DNAJC3: variants seen among roughly 807,000 people sequenced by gnomAD.
The protein encoded by DNAJC3 is dnaJ homolog subfamily C member 3.
Under a neutral mutation model 68.6 loss-of-function variants are expected in DNAJC3, and 38 were observed. The observed-to-expected ratio is 0.55, with a 90% CI of 0.43 to 0.73. The LOEUF is 0.73. Ranked by LOEUF, DNAJC3 falls within the 30% of genes least tolerant of loss-of-function variation. The pLI, the probability that DNAJC3 is intolerant of heterozygous loss-of-function variation, is 0.00. For missense variants in DNAJC3, 526 were observed against 591.9 expected (o/e 0.89, Z 1.16); for synonymous variants, 203 against 204.0 (o/e 1.00, Z 0.04).
intron 3 of DNAJC3, 117 bp downstream of exon 3, chr13:95,723,483 G>A: frequency 1.7e-6 from 2 of 1,177,176 alleles, no homozygotes. Flanking sequence ...CAAAGCTACA[G>A]TGATGTTGTG....
At chr13:95,755,999 C>T (rs1334233692) in intron 4 of DNAJC3, among the ~76,000 whole-genome samples, 3 of 152,122 alleles carry the variant, frequency 2.0e-5, no homozygotes, top group Non-Finnish European at 4.4e-5. Flanking sequence ...CTGAGCCCTC[C>T]AGCCTCTGTC....
chr13:95,677,814 G>A (rs997311942), intron 1 of DNAJC3, among the ~76,000 whole-genome samples: 1 of 152,188 alleles, frequency 6.6e-6, no homozygotes, highest in Non-Finnish European at 1.5e-5. Context: ...GGAGTTGGAG[G>A]GGACAGTGTT....
At position 95,763,816 on chromosome 13, in the gene DNAJC3, C is replaced by G; in HGVS notation, c.955-17C>G. ...TGGAATACCAACCATAAATCCTTGT[C>G]TCACATTTCCTTTTAGGACGAGAAG... On this transcript the variant is annotated splice_polypyrimidine_tract_variant and intron_variant, in intron 8 of 11. Transcript: ENST00000602402. The G allele has an allele frequency of 6.2e-7, 1 of 1,613,986 alleles. No homozygotes were observed. Among genetic ancestry groups the G allele is most frequent in the Non-Finnish European group, 8.5e-7 (1 of 1,179,908 alleles).
intron 4 of DNAJC3, 35 bp from the exon 5 acceptor site, chr13:95,757,609 T>G (rs1470653601): frequency 1.3e-6 from 2 of 1,511,468 alleles, no homozygotes; most frequent in Non-Finnish European, 1.8e-6. Flanking sequence ...TTTAAGAGAT[T>G]AAAAACTCTG....
chr13:95,721,357 T>A (rs1337017090), intron 2 of DNAJC3, among the ~76,000 whole-genome samples: 1 of 152,252 alleles, frequency 6.6e-6, no homozygotes, highest in Non-Finnish European at 1.5e-5. Context: ...CTATTGTGAA[T>A]AATACTGCTG....
At chr13:95,739,076 C>G (rs1882034697) in intron 4 of DNAJC3, among the ~76,000 whole-genome samples, 1 of 151,960 alleles carries the variant, frequency 6.6e-6, no homozygotes, top group Non-Finnish European at 1.5e-5. Flanking sequence ...TTCTCCTTCA[C>G]TTATGAAGCT....
At position 95,742,770 on chromosome 13, in the gene DNAJC3, C is replaced by A. The variant is rs779544879; in HGVS notation, c.394-14874C>A. The A allele has an allele frequency of 1.9e-5, 10 of 518,890 alleles. No homozygotes were observed. The East Asian group carries it at 4.9e-4, about 25-fold the overall frequency. 32.1% of individuals were successfully genotyped at this position (518,890 alleles called of 1,614,324 possible). A position where few individuals can be genotyped will look rare whatever the true frequency, so the allele number is the denominator to read the frequency against. ...GCCATCTCTGAATGCCTTCCTCAGT[C>A]TTTAAATTTGATGAAGTTCAATTTG... On this transcript the variant is annotated intron_variant, in intron 4 of 11. Transcript: ENST00000602402.
chr13:95,689,411 T>C (rs1880168035), intron 1 of DNAJC3, among the ~76,000 whole-genome samples: 1 of 152,018 alleles, frequency 6.6e-6, no homozygotes, highest in Admixed American at 6.6e-5. Context: ...TAGTCTCTGA[T>C]GATGTTTTGT....
At chr13:95,692,091 C>G (rs922855303) in intron 1 of DNAJC3, among the ~76,000 whole-genome samples, 1 of 144,930 alleles carries the variant, frequency 6.9e-6, no homozygotes, top group African/African-American at 2.8e-5. Flanking sequence ...AGAGGGAGAC[C>G]GTGGAAAGAG....
chr13:95,724,626 T>A (rs1881445719), intron 3 of DNAJC3, among the ~76,000 whole-genome samples: 2 of 152,222 alleles, frequency 1.3e-5, no homozygotes. Flanking sequence ...AGGACACTTT[T>A]ATCGACCCCC....
intron 3 of DNAJC3, among the ~76,000 whole-genome samples, chr13:95,724,179 C>A (rs968419721): frequency 2.6e-5 from 4 of 152,154 alleles, no homozygotes; most frequent in African/African-American, 9.7e-5. Flanking sequence ...CACAACCTTT[C>A]ACAAAGGTTA....
At chr13:95,720,740 G>A (rs1881295025) in intron 2 of DNAJC3, among the ~76,000 whole-genome samples, 1 of 152,068 alleles carries the variant, frequency 6.6e-6, no homozygotes, top group Non-Finnish European at 1.5e-5. Flanking sequence ...CCTAAAGGAA[G>A]TTATTTAGTA....
chr13:95,772,806 A>G (rs2139685489), intron 9 of DNAJC3, among the ~76,000 whole-genome samples: 1 of 152,350 alleles, frequency 6.6e-6, no homozygotes, highest in East Asian at 1.9e-4. Context: ...ACATTTCTAA[A>G]GTTAAATCAA....
rs9525049 is a variant in DNAJC3, at chr13:95,764,685, C to T, written c.1075+732C>T. Among the ~76,000 whole-genome samples, 624 of 75,126 alleles carry T rather than the reference C, an allele frequency of 8.3e-3. 2 individuals are homozygous for T. Among genetic ancestry groups the T allele is most frequent in the Admixed American group, 0.013 (92 of 6,848 alleles). The allele number at this position is 75,126 out of a possible 152,430, so 49.3% of individuals were successfully genotyped here. ...ATATATATATATATATATATATATA[C>T]ACACACACACATATATATATACATA... On this transcript the variant is annotated intron_variant, in intron 9 of 11. Transcript: ENST00000602402.
intron 1 of DNAJC3, 69 bp downstream of exon 1, chr13:95,677,406 G>T: frequency 6.8e-7 from 1 of 1,473,006 alleles, no homozygotes; most frequent in South Asian, 1.3e-5. Flanking sequence ...TCCCGTCTGC[G>T]CCCGGGCGCC....
At chr13:95,742,192 G>A (rs2139659656) in intron 4 of DNAJC3, among the ~76,000 whole-genome samples, 1 of 152,302 alleles carries the variant, frequency 6.6e-6, no homozygotes, top group East Asian at 1.9e-4. Context: ...TCCTGGGGTG[G>A]TGGGCTTGCT....
intron 4 of DNAJC3, chr13:95,745,799 C>CA (rs775446859): frequency 1.3e-5 from 2 of 152,172 alleles, no homozygotes; most frequent in African/African-American, 4.8e-5. Flanking sequence ...TAGGTTGACA[C>CA]TCTTTTGTAA....
chr13:95,763,150 T>TA (rs1882874372), intron 7 of DNAJC3, among the ~76,000 whole-genome samples: 1 of 152,240 alleles, frequency 6.6e-6, no homozygotes, highest in Non-Finnish European at 1.5e-5. Flanking sequence ...GTTGGGAATT[T>TA]AATCAGGTAC....
intron 11 of DNAJC3, 83 bp downstream of exon 11, chr13:95,787,238 G>A (rs1883628981): frequency 1.3e-6 from 2 of 1,529,290 alleles, no homozygotes; most frequent in African/African-American, 1.4e-5. Flanking sequence ...TTCTCCACGT[G>A]GGGCTGTATA....
Sources: allele counts gnomAD v4.1 joint callset (sites outside exome capture counted in the v4.1 genomes callset), GRCh38; gene constraint gnomAD v4.1.1; transcripts MANE v1.5; gene names NCBI Gene and HGNC (gene_info 2026-07-23, HGNC 2026-07-21).